ESRRG: variants seen among roughly 807,000 people sequenced by gnomAD.
The protein encoded by ESRRG is estrogen-related receptor gamma.
Under a neutral mutation model 44.0 loss-of-function variants are expected in ESRRG, and 13 were observed. The ratio of observed to expected loss-of-function variants is 0.30; its 90% CI spans 0.19 to 0.47. The LOEUF (loss-of-function observed/expected upper bound fraction) is 0.47, where lower values mean the gene tolerates loss of function less well. ESRRG is among the 20% of genes least tolerant of loss of function. The pLI is 1.00. For synonymous variants in ESRRG, 215 were observed against 214.6 expected, an observed-to-expected ratio of 1.00 and a Z score of -0.02; for missense variants, 395 against 580.6, an observed-to-expected ratio of 0.68 and a Z score of 3.29.
chr1:217,069,736 G>A (rs1470981440), intron 1 of ESRRG, among the ~76,000 whole-genome samples: 2 of 152,000 alleles, frequency 1.3e-5, no homozygotes, highest in East Asian at 1.9e-4. Flanking sequence ...AGTGCCAGTC[G>A]GCCACATCAC....
rs11301281 is a variant in ESRRG at position 216,880,304 on chromosome 1, CAAAAAAAAAAAAAAA to C, written c.-14+59263_-14+59277del. ...CCTGAGCGACAACAAGCCTCCCTCTCAAAAAAAAAAAAAAAAAAAAAAAAAAAAAAGTTTTCATGC... is the reference window on the plus strand; with the variant it reads ...CCTGAGCGACAACAAGCCTCCCTCTCAAAAAAAAAAAAAAAGTTTTCATGC... On this transcript the variant is annotated intron_variant, in intron 2 of 7. Coordinates refer to the ESRRG transcript ENST00000359162. Among the ~76,000 whole-genome samples, 7 of 29,032 alleles carry C rather than the reference CAAAAAAAAAAAAAAA, an allele frequency of 2.4e-4. 1 individual carries two copies. The highest frequency in any genetic ancestry group is 2.3e-3 in the South Asian group (1 of 430). The allele number at this position is 29,032 out of a possible 152,430, so 19.0% of individuals were successfully genotyped here.
At chr1:217,022,603 C>A (rs1339211) in intron 1 of ESRRG, among the ~76,000 whole-genome samples, 73,098 of 151,986 alleles carry the variant, frequency 0.48, 17,777 homozygotes, top group Middle Eastern at 0.57. Flanking sequence ...CAGCAACAGC[C>A]GTTGCCCAGG....
At chr1:217,072,777 A>G (rs900815995) in intron 1 of ESRRG, among the ~76,000 whole-genome samples, 3 of 152,132 alleles carry the variant, frequency 2.0e-5, no homozygotes, top group African/African-American at 7.2e-5. Context: ...AGCCCTCAAC[A>G]AAGTTCTAGA....
intron 2 of ESRRG, among the ~76,000 whole-genome samples, chr1:216,674,664 C>A (rs1457093609): frequency 7.0e-6 from 1 of 142,254 alleles, no homozygotes. Context: ...TCACCCCAGG[C>A]TGGAGTGCAA....
Position 216,695,666 on chromosome 1 carries a change from A to T in ESRRG, c.57-18175T>A, listed in dbSNP as rs144963369. ...AAATGAATGAATTACAAAGCATCAC[A>T]TCAAATAAACACATCATCTCTGTTT... On this transcript the variant is annotated intron_variant, in intron 1 of 6. Coordinates refer to ENST00000408911, the MANE Select transcript of ESRRG (RefSeq NM_001438.4). Among the ~76,000 whole-genome samples, 662 of 152,324 alleles carry T rather than the reference A, an allele frequency of 4.3e-3. 3 individuals carry two copies. Among genetic ancestry groups the T allele is most frequent in the African/African-American group, 0.015 (638 of 41,578 alleles).
intron 1 of ESRRG, among the ~76,000 whole-genome samples, chr1:217,024,315 A>G (rs548668338): frequency 1.1e-4 from 17 of 151,522 alleles, no homozygotes; most frequent in Admixed American, 6.6e-5. Context: ...CCGAGATTGC[A>G]CCACTGCACT....
chr1:216,713,099 G>C (rs936192295), intron 1 of ESRRG, among the ~76,000 whole-genome samples: 1 of 152,102 alleles, frequency 6.6e-6, no homozygotes, highest in East Asian at 1.9e-4. Context: ...ATCTCATTGA[G>C]AGTAATCAAT....
intron 2 of ESRRG, among the ~76,000 whole-genome samples, chr1:216,732,160 A>G (rs1479648590): frequency 6.6e-6 from 1 of 151,456 alleles, no homozygotes; most frequent in East Asian, 2.0e-4. Context: ...AAAAAAAAAA[A>G]GAAGTGGAAT....
At chr1:216,581,720 C>T (rs2062805436) in intron 3 of ESRRG, among the ~76,000 whole-genome samples, 1 of 152,214 alleles carries the variant, frequency 6.6e-6, no homozygotes, top group Admixed American at 6.5e-5. Context: ...GACACAGCCA[C>T]TGCTCAGTGC....
chr1:217,036,604 G>A (rs2082936323), intron 1 of ESRRG, among the ~76,000 whole-genome samples: 1 of 152,154 alleles, frequency 6.6e-6, no homozygotes, highest in Non-Finnish European at 1.5e-5. Context: ...ACAAGTGGGA[G>A]CTAAATGATT....
chr1:216,748,102 T>C (rs1030595892), intron 2 of ESRRG, among the ~76,000 whole-genome samples: 2 of 152,166 alleles, frequency 1.3e-5, no homozygotes, highest in Non-Finnish European at 2.9e-5. Flanking sequence ...AAATAAAGTT[T>C]AGAAAATAAG....
chr1:217,048,373 T>G (rs913601759), intron 1 of ESRRG, among the ~76,000 whole-genome samples: 1 of 152,046 alleles, frequency 6.6e-6, no homozygotes, highest in Non-Finnish European at 1.5e-5. Flanking sequence ...AGAGCTCAGG[T>G]GCAACGAGGC....
intron 3 of ESRRG, among the ~76,000 whole-genome samples, chr1:216,599,537 T>C (rs930351549): frequency 6.6e-6 from 1 of 152,198 alleles, no homozygotes; most frequent in East Asian, 1.9e-4. Context: ...TCAGCTATTA[T>C]CCCTTTCTTA....
rs867605443 is a variant in ESRRG at position 216,779,276 on chromosome 1, T to A, written c.-13-101785A>T. Among the ~76,000 whole-genome samples, 226 of 32,402 alleles carry A rather than the reference T, an allele frequency of 7.0e-3. 6 individuals are homozygous for A. The highest frequency in any genetic ancestry group is 0.027 in the African/African-American group (127 of 4,692). 21.3% of individuals were successfully genotyped at this position (32,402 alleles called of 152,430 possible). ...TTATAAATATAAATATATATTTATA[T>A]TTATAAACATTATATTTATATTTAT... On this transcript the variant is annotated intron_variant, in intron 2 of 7. Transcript: ENST00000359162.
chr1:216,716,766 A>G (rs1281008168), intron 1 of ESRRG, among the ~76,000 whole-genome samples: 2 of 151,910 alleles, frequency 1.3e-5, no homozygotes, highest in Non-Finnish European at 2.9e-5. Flanking sequence ...AGGTATTTAA[A>G]ATTTTTTAAA....
chr1:216,772,625 G>A (rs1360129601), intron 2 of ESRRG, among the ~76,000 whole-genome samples: 2 of 152,124 alleles, frequency 1.3e-5, no homozygotes, highest in Non-Finnish European at 2.9e-5. Context: ...CTTGAAAGGT[G>A]TATGTTATTT....
At chr1:216,990,944 C>T (rs2075592042) in intron 1 of ESRRG, among the ~76,000 whole-genome samples, 1 of 152,090 alleles carries the variant, frequency 6.6e-6, no homozygotes, top group Non-Finnish European at 1.5e-5. Context: ...CAACTGCCCC[C>T]CAACCCCACC....
intron 1 of ESRRG, among the ~76,000 whole-genome samples, chr1:216,999,777 T>A (rs1394635556): frequency 3.3e-5 from 5 of 152,220 alleles, no homozygotes; most frequent in African/African-American, 4.8e-5. Context: ...TGGTTTAGAA[T>A]CTCAGATTGA....
At chr1:216,560,517 T>C (rs897727359) in intron 5 of ESRRG, among the ~76,000 whole-genome samples, 1 of 152,206 alleles carries the variant, frequency 6.6e-6, no homozygotes, top group African/African-American at 2.4e-5. Context: ...TTATGCTTTT[T>C]AAAGCACCAT....
Sources: allele counts gnomAD v4.1 joint callset (sites outside exome capture counted in the v4.1 genomes callset), GRCh38; gene constraint gnomAD v4.1.1; transcripts MANE v1.5; gene names NCBI Gene and HGNC (gene_info 2026-07-23, HGNC 2026-07-21).